Variants in DMD observed in about 807,000 individuals in gnomAD.
DMD encodes the protein mutant dystrophin.
In DMD, 63 loss-of-function variants were observed where a neutral mutation model predicts 330.1. The ratio of observed to expected loss-of-function variants is 0.19; its 90% confidence interval spans 0.16 to 0.24. DMD has a LOEUF of 0.24. DMD is among the 10% of genes least tolerant of loss of function. The probability of loss-of-function intolerance (pLI) is 1.00; values close to 1 mark genes in which losing one functional copy is unlikely to be tolerated. For synonymous variants in DMD, 1,223 were observed against 959.8 expected (o/e 1.27, Z -5.07); for missense variants, 3,344 against 2,684.1 (o/e 1.25, Z -5.43).
intron 47 of DMD, among the ~76,000 whole-genome samples, chrX:31,911,720 A>G (rs2094549744): frequency 9.0e-6 from 1 of 111,680 alleles, no homozygotes. Flanking sequence ...GAAGTTTTTC[A>G]AAGGAGATAA....
intron 4 of DMD, among the ~76,000 whole-genome samples, chrX:32,834,457 C>G (rs894851179): frequency 4.5e-5 from 5 of 111,704 alleles, no homozygotes; most frequent in Non-Finnish European, 9.4e-5. Flanking sequence ...TTAGAATCCT[C>G]TTTATCTAAC....
intron 44 of DMD, among the ~76,000 whole-genome samples, chrX:32,051,060 C>T (rs1037527105): frequency 5.7e-5 from 6 of 105,618 alleles, no homozygotes; most frequent in African/African-American, 2.1e-4. Flanking sequence ...TCGATAATCC[C>T]ACCTTGGCCT....
chrX:32,345,902 A>G, intron 39 of DMD, 41 bp downstream of exon 39: 1 of 1,199,709 alleles, frequency 8.3e-7, no homozygotes, highest in Non-Finnish European at 1.1e-6. Context: ...ATATTAAAAA[A>G]AAACCACAGG....
intron 43 of DMD, among the ~76,000 whole-genome samples, chrX:32,260,209 C>T (rs2097316249): frequency 9.0e-6 from 1 of 111,245 alleles, no homozygotes; most frequent in African/African-American, 3.3e-5. Context: ...AATTTCTCAG[C>T]TCTCCTTTGT....
chrX:32,797,320 C>G (rs1260890958), intron 7 of DMD, among the ~76,000 whole-genome samples: 1 of 112,323 alleles, frequency 8.9e-6, no homozygotes, highest in East Asian at 2.8e-4. Flanking sequence ...GTATAAAACA[C>G]AGTTAACTCC....
chrX:33,005,727 C>T (rs892189942), intron 2 of DMD, among the ~76,000 whole-genome samples: 1 of 110,754 alleles, frequency 9.0e-6, no homozygotes, highest in South Asian at 3.7e-4. Flanking sequence ...TCTCTTACCA[C>T]TCTTTTTCAA....
At chrX:31,931,563 G>A (rs1027119578) in intron 46 of DMD, among the ~76,000 whole-genome samples, 1 of 110,799 alleles carries the variant, frequency 9.0e-6, no homozygotes, top group African/African-American at 3.3e-5. Flanking sequence ...GGCTGAAGTG[G>A]TGAGACTGAT....
At chrX:32,934,361 C>G (rs968306570) in intron 2 of DMD, among the ~76,000 whole-genome samples, 5 of 110,463 alleles carry the variant, frequency 4.5e-5, no homozygotes, top group Non-Finnish European at 7.6e-5. Flanking sequence ...TAGAGATCAG[C>G]CTGGGCAACA....
At chrX:32,378,346 G>C (rs767597407) in intron 34 of DMD, among the ~76,000 whole-genome samples, 16 of 108,409 alleles carry the variant, frequency 1.5e-4, no homozygotes, top group Non-Finnish European at 1.9e-4. Flanking sequence ...AATTTATTTA[G>C]GCTTCTCAAG....
At chrX:32,657,243 C>T (rs1368036169) in intron 9 of DMD, among the ~76,000 whole-genome samples, 1 of 111,282 alleles carries the variant, frequency 9.0e-6, no homozygotes, top group Non-Finnish European at 1.9e-5. Context: ...ATGGCAAATT[C>T]TCCTAAATCA....
At chrX:31,260,919 T>A (rs1345743515) in intron 63 of DMD, 36 bp downstream of exon 63, 9 of 1,170,292 alleles carry the variant, frequency 7.7e-6, no homozygotes, top group Non-Finnish European at 9.3e-6. Flanking sequence ...AGGTCACCTG[T>A]CATTTAACTT....
chrX:32,288,571 C>A (rs1368275290), intron 42 of DMD, among the ~76,000 whole-genome samples: 1 of 111,517 alleles, frequency 9.0e-6, no homozygotes, highest in Non-Finnish European at 1.9e-5. Flanking sequence ...ACACAAGAGC[C>A]GAAAAGATTC....
intron 59 of DMD, among the ~76,000 whole-genome samples, chrX:31,449,517 G>C (rs1009634277): frequency 9.1e-6 from 1 of 109,451 alleles, no homozygotes; most frequent in Non-Finnish European, 1.9e-5. Flanking sequence ...AGGGAGTTTC[G>C]ATATTAGCCA....
At chrX:31,883,792 G>T (rs2094111339) in intron 47 of DMD, among the ~76,000 whole-genome samples, 1 of 110,747 alleles carries the variant, frequency 9.0e-6, no homozygotes, top group African/African-American at 3.3e-5. Context: ...TTTTGATTTT[G>T]TATGCATATT....
chrX:33,153,213 C>A (rs1412268179), intron 1 of DMD, among the ~76,000 whole-genome samples: 1 of 112,656 alleles, frequency 8.9e-6, no homozygotes, highest in Non-Finnish European at 1.9e-5. Context: ...GAGTTTAAGA[C>A]CAGCCTGACC....
chrX:32,252,767 T>A (rs1362268405), intron 43 of DMD, among the ~76,000 whole-genome samples: 2 of 54,509 alleles, frequency 3.7e-5, no homozygotes, highest in Non-Finnish European at 5.7e-5. Context: ...TATATAAATA[T>A]ATATAAATAT....
intron 7 of DMD, among the ~76,000 whole-genome samples, chrX:32,707,450 G>C (rs1202446010): frequency 1.8e-5 from 2 of 111,678 alleles, no homozygotes; most frequent in Admixed American, 9.5e-5. Flanking sequence ...CACAGAAGCT[G>C]GTGGGGAAAA....
chrX:32,782,754 G>A (rs1442739071), intron 7 of DMD, among the ~76,000 whole-genome samples: 1 of 109,714 alleles, frequency 9.1e-6, no homozygotes, highest in Non-Finnish European at 1.9e-5. Context: ...AACTTCAAGA[G>A]TGTAATTAGT....
At chrX:32,552,632 G>A (rs1285810623) in intron 16 of DMD, among the ~76,000 whole-genome samples, 2 of 111,864 alleles carry the variant, frequency 1.8e-5, no homozygotes, top group Non-Finnish European at 3.8e-5. Context: ...AGAGTAAACA[G>A]ACAACCTGCA....
Sources: allele counts gnomAD v4.1 joint callset (sites outside exome capture counted in the v4.1 genomes callset), GRCh38; gene constraint gnomAD v4.1.1; transcripts MANE v1.5; gene names NCBI Gene and HGNC (gene_info 2026-07-23, HGNC 2026-07-21).